GAN: variants seen among roughly 807,000 people sequenced by gnomAD.
GAN encodes the protein epididymis secretory sperm binding protein.
GAN carries 48 observed loss-of-function variants against 71.3 expected under a neutral mutation model. The ratio of observed to expected loss-of-function variants is 0.67; its 90% CI spans 0.53 to 0.86. The LOEUF is 0.86. Ranked by LOEUF, GAN falls within the 40% of genes least tolerant of loss-of-function variation. GAN has a pLI of 0.00. For missense variants in GAN, 928 were observed against 770.1 expected (o/e 1.21, Z -2.43); for synonymous variants, 386 against 276.8 (o/e 1.39, Z -3.92).
At position 81,377,739 on chromosome 16, in the gene GAN, A is replaced by G. The variant is rs1904286930; in HGVS notation, c.*143A>G. On this transcript the variant is annotated 3_prime_UTR_variant, in exon 11 of 11. Transcript: ENST00000648994. The stretch of plus-strand genomic sequence containing the variant: ...CTTTGGTGGTTTTATGATGCTTACA[A>G]ACTTGAGCTTTAGCTCTTGTTTGGG... 1.3e-6 allele frequency: 1 copy of G among 799,700 alleles called. No individual in the cohort carries two copies. The highest frequency in any genetic ancestry group is 2.0e-5 in the Admixed American group (1 of 49,954). 49.5% of individuals were successfully genotyped at this position (799,700 alleles called of 1,614,324 possible).
chr16:81,351,478 C>A (rs1214539169), intron 1 of GAN, 105 bp from the exon 2 acceptor site: 2 of 694,532 alleles, frequency 2.9e-6, no homozygotes, highest in East Asian at 2.7e-5. Flanking sequence ...GGTGGGGATT[C>A]ATATACTGAT....
chr16:81,357,110 A>AT lies in GAN; in HGVS notation c.851+119dup, dbSNP rs111599980. ...AGTATCTAAAACATAATTACATTTGATTTTTTTTTTTATACTTTAAGTTTT... is the reference window on the plus strand; with the variant it reads ...AGTATCTAAAACATAATTACATTTGATTTTTTTTTTTTATACTTTAAGTTTT... On this transcript the variant is annotated intron_variant, in intron 4 of 10. Coordinates refer to ENST00000648994, the MANE Select transcript of GAN (RefSeq NM_022041.4). The AT allele has an allele frequency of 0.038, 23,806 of 627,922 alleles. 140 individuals carry two copies. Among genetic ancestry groups the AT allele is most frequent in the East Asian group, 0.12 (3,828 of 31,036 alleles). The allele number at this position is 627,922 out of a possible 1,614,324, so 38.9% of individuals were successfully genotyped here. A position where few individuals can be genotyped will look rare whatever the true frequency, so the allele number is the denominator to read the frequency against.
chr16:81,383,321 C>CG lies in GAN; in HGVS notation c.*5727dup, dbSNP rs1904318038. Reference sequence around the variant, plus strand: ...AGGCTGGAGTGCAGTGGTGCGATCTCGGCTCACTGCAATCTCCGCCTCCTG... The same window carrying CG: ...AGGCTGGAGTGCAGTGGTGCGATCTCGGGCTCACTGCAATCTCCGCCTCCTG... On this transcript the variant is annotated 3_prime_UTR_variant, in exon 11 of 11. Transcript: ENST00000648994. 1.6e-5 allele frequency: 2 copies of CG among 128,872 alleles called. No homozygotes were observed. Among genetic ancestry groups the CG allele is most frequent in the African/African-American group, 5.9e-5 (2 of 34,072 alleles). The allele number at this position is 128,872 out of a possible 1,614,324, so 8.0% of individuals were successfully genotyped here. A position where few individuals can be genotyped will look rare whatever the true frequency, so the allele number is the denominator to read the frequency against.
At chr16:81,333,432 G>A (rs1909653839) in intron 1 of GAN, among the ~76,000 whole-genome samples, 1 of 152,144 alleles carries the variant, frequency 6.6e-6, no homozygotes, top group Admixed American at 6.5e-5. Flanking sequence ...GGTGGACTCT[G>A]AAATTTTAGA....
At chr16:81,359,792 T>G (rs1910612044) in intron 5 of GAN, among the ~76,000 whole-genome samples, 2 of 152,206 alleles carry the variant, frequency 1.3e-5, no homozygotes, top group South Asian at 2.1e-4. Flanking sequence ...TGATAAAGTT[T>G]AAGTTCAGCA....
At position 81,359,455 on chromosome 16, in the gene GAN, T is replaced by G. The variant is rs1342657884; in HGVS notation, c.973+1524T>G. Among the ~76,000 whole-genome samples the G allele has an allele frequency of 2.0e-5, 3 of 152,074 alleles. No homozygotes were observed. The East Asian group carries it at 5.8e-4, about 29-fold the overall frequency. On this transcript the variant is annotated intron_variant, in intron 5 of 10. Coordinates refer to ENST00000648994, the MANE Select transcript of GAN (RefSeq NM_022041.4). The stretch of plus-strand genomic sequence containing the variant: ...TAAAAATTGATTTTGACTGTTTTTT[T>G]GTCATTCAATTTTTCTTCTCTACCA...
rs1012883437 is a variant in GAN, at chr16:81,388,930, T to G, written c.*11334T>G. The stretch of plus-strand genomic sequence containing the variant: ...AAGAAACTCCAAAAAATAAATTTAT[T>G]GTTAGTCTAGCATATGCTCATTGAA... On this transcript the variant is annotated 3_prime_UTR_variant, in exon 11 of 11. Transcript: ENST00000648994. The G allele has an allele frequency of 2.0e-5, 3 of 152,242 alleles. No homozygotes were observed. Among genetic ancestry groups the G allele is most frequent in the African/African-American group, 7.2e-5 (3 of 41,468 alleles). 9.4% of individuals were successfully genotyped at this position (152,242 alleles called of 1,614,324 possible).
chr16:81,384,779 T>C lies in GAN; in HGVS notation c.*7183T>C, dbSNP rs567124524. On this transcript the variant is annotated 3_prime_UTR_variant, in exon 11 of 11. Transcript: ENST00000648994. ...ATCTGTGGAACATCCCTCACCTTCC[T>C]CCGGTATGCGCCTTCTGCACTCCAC... 2 of 152,318 alleles carry C rather than the reference T, an allele frequency of 1.3e-5. No individual in the cohort carries two copies. Among genetic ancestry groups the C allele is most frequent in the African/African-American group, 4.8e-5 (2 of 41,556 alleles). 9.4% of individuals were successfully genotyped at this position (152,318 alleles called of 1,614,324 possible).
intron 1 of GAN, among the ~76,000 whole-genome samples, chr16:81,315,513 C>T (rs1190478858): frequency 6.6e-6 from 1 of 152,008 alleles, no homozygotes; most frequent in African/African-American, 2.4e-5. Flanking sequence ...GACCCCCGCG[C>T]CCCTTGGAGT....
rs4386128 is a variant in GAN at position 81,387,852 on chromosome 16, A to G, written c.*10256A>G. On this transcript the variant is annotated 3_prime_UTR_variant, in exon 11 of 11. Coordinates refer to ENST00000648994, the MANE Select transcript of GAN (RefSeq NM_022041.4). Reference sequence around the variant, plus strand: ...AAAAATTAAAAAAAAAGGTCTGCTCAGAAATAGGGGAAACACGGGATCAAG... The same window carrying G: ...AAAAATTAAAAAAAAAGGTCTGCTCGGAAATAGGGGAAACACGGGATCAAG... 8,735 of 152,244 alleles carry G rather than the reference A, an allele frequency of 0.057. 390 individuals are homozygous for G. The highest frequency in any genetic ancestry group is 0.2 in the East Asian group (1,023 of 5,174). The allele number at this position is 152,244 out of a possible 1,614,324, so 9.4% of individuals were successfully genotyped here.
chr16:81,332,269 G>A (rs1448285492), intron 1 of GAN, among the ~76,000 whole-genome samples: 2 of 152,194 alleles, frequency 1.3e-5, no homozygotes, highest in African/African-American at 2.4e-5. Flanking sequence ...GACGTTGCAG[G>A]TCATTTCAGC....
rs1468548368 is a variant in GAN, at chr16:81,382,210, A to AC, written c.*4616dup. 1 of 152,170 alleles carries AC rather than the reference A, an allele frequency of 6.6e-6. No individual in the cohort carries two copies. Among genetic ancestry groups the AC allele is most frequent in the Non-Finnish European group, 1.5e-5 (1 of 68,022 alleles). The allele number at this position is 152,170 out of a possible 1,614,324, so 9.4% of individuals were successfully genotyped here. ...TTTCTCACTTTAGGGAGGAGCAAGA[A>AC]CCAAAAGCAGAAGCCAGGTCTTTGG... On this transcript the variant is annotated 3_prime_UTR_variant, in exon 11 of 11. Coordinates refer to ENST00000648994, the MANE Select transcript of GAN (RefSeq NM_022041.4).
At chr16:81,342,184 G>A (rs944092070) in intron 1 of GAN, among the ~76,000 whole-genome samples, 3 of 152,056 alleles carry the variant, frequency 2.0e-5, no homozygotes, top group Admixed American at 1.3e-4. Context: ...AATAATAATG[G>A]GAGACTTTAA....
rs186833053 is a variant in GAN, at chr16:81,374,040, A to T, written c.1503-3179A>T. On this transcript the variant is annotated intron_variant, in intron 9 of 10. Coordinates refer to ENST00000648994, the MANE Select transcript of GAN (RefSeq NM_022041.4). Reference sequence around the variant, plus strand: ...ACAGGCGTGAGCCACTGCACTCAGCAGGTGGTTCATTCTTTCCTTGACTCT... The same window carrying T: ...ACAGGCGTGAGCCACTGCACTCAGCTGGTGGTTCATTCTTTCCTTGACTCT... Among the ~76,000 whole-genome samples, 85 of 152,284 alleles carry T rather than the reference A, an allele frequency of 5.6e-4. 1 individual carries two copies. The highest frequency in any genetic ancestry group is 2.0e-3 in the African/African-American group (82 of 41,566).
chr16:81,330,679 A>G (rs1025471888), intron 1 of GAN, among the ~76,000 whole-genome samples: 36 of 152,242 alleles, frequency 2.4e-4, no homozygotes, highest in Admixed American at 4.6e-4. Context: ...GATGGCTACA[A>G]AAAGGGTGAG....
intron 1 of GAN, among the ~76,000 whole-genome samples, chr16:81,328,921 A>G (rs985385738): frequency 1.3e-5 from 2 of 152,186 alleles, no homozygotes; most frequent in Non-Finnish European, 2.9e-5. Context: ...TTAAAAATAT[A>G]ACAACCATTT....
intron 1 of GAN, among the ~76,000 whole-genome samples, chr16:81,335,086 C>G (rs367785857): frequency 3.0e-5 from 4 of 132,084 alleles, no homozygotes; most frequent in Non-Finnish European, 1.5e-5. Context: ...CTTGGCTGCT[C>G]TTTGGAGGTG....
At chr16:81,346,386 T>C (rs1910119063) in intron 1 of GAN, among the ~76,000 whole-genome samples, 1 of 52,972 alleles carries the variant, frequency 1.9e-5, no homozygotes, top group Admixed American at 1.8e-4. Flanking sequence ...TCTAAGGCCT[T>C]AGGACTGGGC....
At chr16:81,325,520 C>G (rs762565150) in intron 1 of GAN, among the ~76,000 whole-genome samples, 11 of 152,156 alleles carry the variant, frequency 7.2e-5, no homozygotes, top group Non-Finnish European at 1.5e-4. Context: ...TCATCAGTTG[C>G]TAATCATTAA....
Sources: allele counts gnomAD v4.1 joint callset (sites outside exome capture counted in the v4.1 genomes callset), GRCh38; gene constraint gnomAD v4.1.1; transcripts MANE v1.5; gene names NCBI Gene and HGNC (gene_info 2026-07-23, HGNC 2026-07-21).